The following GARIN1A variants were observed in gnomAD, a reference collection of about 807,000 sequenced individuals.
GARIN1A encodes Golgi-associated RAB2 interactor protein 1A.
At chr7:128,697,700 T>A in the GARIN1A span, 1 of 159,682 alleles carries the variant, frequency 6.3e-6, no homozygotes, top group African/African-American at 2.5e-5. Context: ...GCCACTGCCA[T>A]ACCACCCTGA....
At chr7:128,705,200 CAT>C in the GARIN1A span, among the ~76,000 whole-genome samples, 1 of 152,224 alleles carries the variant, frequency 6.6e-6, no homozygotes, top group Admixed American at 6.5e-5. Flanking sequence ...ACATTTCCCT[CAT>C]GAACATACAT....
chr7:128,705,333 C>T, the GARIN1A span, among the ~76,000 whole-genome samples: 1 of 152,104 alleles, frequency 6.6e-6, no homozygotes, highest in South Asian at 2.1e-4. Context: ...ACAGGCTTTA[C>T]CTTTTCAGGT....
chr7:128,677,490 G>A, the GARIN1A span: 18 of 1,316,008 alleles, frequency 1.4e-5, 1 homozygote, highest in South Asian at 2.6e-4. Context: ...CTCGGCGGCA[G>A]CGAGACTCCG....
the GARIN1A span, among the ~76,000 whole-genome samples, chr7:128,689,188 A>G: frequency 2.6e-5 from 4 of 152,034 alleles, no homozygotes; most frequent in African/African-American, 9.7e-5. Context: ...TGGCCTTCCA[A>G]AGTGCCGAGA....
the GARIN1A span, chr7:128,677,594 A>G: frequency 6.2e-7 from 1 of 1,612,618 alleles, no homozygotes; most frequent in Non-Finnish European, 8.5e-7. Flanking sequence ...TGGAGCTACG[A>G]ATCTACGACC....
At chr7:128,679,951 C>A in the GARIN1A span, 2 of 729,048 alleles carry the variant, frequency 2.7e-6, no homozygotes, top group Non-Finnish European at 4.4e-6. Flanking sequence ...ATATCACAAA[C>A]CCCTTCAAAG....
the GARIN1A span, among the ~76,000 whole-genome samples, chr7:128,699,260 G>GCCCCCCCCCCC: frequency 1.9e-5 from 2 of 105,118 alleles, no homozygotes; most frequent in African/African-American, 3.5e-5. Flanking sequence ...CATACCTGCT[G>GCCCCCCCCCCC]CCCCCCCCCC....
chr7:128,689,319 C>T, the GARIN1A span, among the ~76,000 whole-genome samples: 14 of 150,596 alleles, frequency 9.3e-5, no homozygotes, highest in African/African-American at 2.2e-4. Context: ...AAGTGAGGAG[C>T]ACCTCTTACC....
At chr7:128,675,089 T>A in the GARIN1A span, among the ~76,000 whole-genome samples, 131 of 152,246 alleles carry the variant, frequency 8.6e-4, no homozygotes, top group Non-Finnish European at 1.7e-3. Context: ...GGGGGGTGTC[T>A]TAGCTGAGAC....
chr7:128,672,123 T>C, the GARIN1A span, among the ~76,000 whole-genome samples: 5 of 152,146 alleles, frequency 3.3e-5, no homozygotes, highest in South Asian at 1.0e-3. Context: ...TTACTGCTGG[T>C]TTGTAGTTGG....
chr7:128,695,729 AG>A, the GARIN1A span, among the ~76,000 whole-genome samples: 1 of 151,694 alleles, frequency 6.6e-6, no homozygotes, highest in South Asian at 2.1e-4. This position sits in a 1 kb window ranked among gnomAD's most constrained non-coding sequence, Gnocchi z 4.5. Flanking sequence ...TCTTTTGTAG[AG>A]ACAGGGTTTC....
chr7:128,682,969 A>T, the GARIN1A span: 1 of 1,596,018 alleles, frequency 6.3e-7, no homozygotes, highest in Non-Finnish European at 8.5e-7. Context: ...TACAGGAACA[A>T]TGACACTGCC....
At chr7:128,707,239 TG>T in the GARIN1A span, among the ~76,000 whole-genome samples, 1 of 151,756 alleles carries the variant, frequency 6.6e-6, no homozygotes, top group Non-Finnish European at 1.5e-5. Context: ...TGTGTGTGTG[TG>T]TGTGTGTGTG....
the GARIN1A span, chr7:128,675,924 C>T: frequency 8.3e-7 from 1 of 1,204,496 alleles, no homozygotes; most frequent in Non-Finnish European, 1.2e-6. Flanking sequence ...TGCTTTGTAG[C>T]TGGATTTTAG....
chr7:128,700,614 A>G, the GARIN1A span, among the ~76,000 whole-genome samples: 6 of 152,240 alleles, frequency 3.9e-5, no homozygotes, highest in Non-Finnish European at 8.8e-5. Flanking sequence ...AATACAAGAT[A>G]GATTCTATTT....
chr7:128,692,137 G>A, the GARIN1A span, among the ~76,000 whole-genome samples: 1 of 152,132 alleles, frequency 6.6e-6, no homozygotes, highest in Non-Finnish European at 1.5e-5. Flanking sequence ...TTCGGCTTGG[G>A]TTGGCTGCAT....
chr7:128,696,565 C>T, the GARIN1A span, among the ~76,000 whole-genome samples: 4 of 152,244 alleles, frequency 2.6e-5, no homozygotes, highest in South Asian at 2.1e-4. Flanking sequence ...TGGTGGCTCA[C>T]GCCTATAATC....
At chr7:128,702,704 A>C in the GARIN1A span, among the ~76,000 whole-genome samples, 3 of 152,236 alleles carry the variant, frequency 2.0e-5, no homozygotes, top group Non-Finnish European at 4.4e-5. Flanking sequence ...TACAGTAATA[A>C]TCACAGTAAA....
At chr7:128,677,536 C>G in the GARIN1A span, 1 of 1,496,586 alleles carries the variant, frequency 6.7e-7, no homozygotes, top group East Asian at 2.4e-5. Context: ...CACGGGCTCT[C>G]CCATGGAAAT....
Sources: gnomAD v4.1 joint callset for allele counts (sites outside exome capture counted in the v4.1 genomes callset) on GRCh38, gnomAD v4.1.1 for gene constraint, Gnocchi (gnomAD v3.1) non-coding constraint, MANE v1.5 for transcripts, NCBI Gene and HGNC (gene_info 2026-07-23, HGNC 2026-07-21) for gene names.